Variants in CACNA1A observed in about 807,000 individuals in gnomAD.
CACNA1A encodes the protein calcium voltage-gated channel subunit alpha1 A.
Under a neutral mutation model 262.4 loss-of-function variants are expected in CACNA1A, and 57 were observed. The ratio of observed to expected loss-of-function variants is 0.22; its 90% CI spans 0.18 to 0.27. The LOEUF (loss-of-function observed/expected upper bound fraction) is 0.27, where lower values mean the gene tolerates loss of function less well. CACNA1A is among the 10% of genes least tolerant of loss of function. The pLI is 1.00. For missense variants in CACNA1A, 2,526 were observed against 3,562.8 expected (o/e 0.71, Z 7.41); for synonymous variants, 1,431 against 1,419.3 (o/e 1.01, Z -0.18).
chr19:13,412,156 C>T (rs1442993915), intron 3 of CACNA1A, among the ~76,000 whole-genome samples: 1 of 152,090 alleles, frequency 6.6e-6, no homozygotes, highest in Non-Finnish European at 1.5e-5. Context: ...TTGCTCAGAA[C>T]ATTGCAGACA....
intron 3 of CACNA1A, among the ~76,000 whole-genome samples, chr19:13,423,838 G>A (rs1048414859): frequency 3.3e-5 from 5 of 152,034 alleles, no homozygotes; most frequent in East Asian, 1.9e-4. Flanking sequence ...TAGAAAGTCC[G>A]CCTGAAGTTG....
chr19:13,377,897 G>A (rs1482114821), intron 3 of CACNA1A, among the ~76,000 whole-genome samples: 1 of 151,868 alleles, frequency 6.6e-6, no homozygotes, highest in Non-Finnish European at 1.5e-5. Flanking sequence ...GGAGATCAAG[G>A]CAGGAGGATC....
chr19:13,371,879 G>C (rs1370947913), intron 3 of CACNA1A, 100 bp from the exon 4 acceptor site: 3 of 830,034 alleles, frequency 3.6e-6, no homozygotes, highest in Non-Finnish European at 6.1e-6. Flanking sequence ...GTATTGGTTG[G>C]GTGACCACAG....
Position 13,248,736 on chromosome 19 carries a change from G to A in CACNA1A, c.4867-3471C>T, listed in dbSNP as rs974634166. 5.3e-5 allele frequency among the ~76,000 whole-genome samples: 8 copies of A among 152,004 alleles called. No homozygotes were observed. In the South Asian group the frequency reaches 1.0e-3, roughly 20 times the overall value. The stretch of plus-strand genomic sequence containing the variant: ...TGGGCGCCTGTAATCCCAACTAGTC[G>A]GGAGGCTGAGGCAGGACAATTGCTT... On this transcript the variant is annotated intron_variant, in intron 30 of 46. Coordinates refer to ENST00000360228, the MANE Select transcript of CACNA1A (RefSeq NM_001127222.2).
In CACNA1A at chr19:13,207,071, G is replaced by A. The variant is rs1052377085; in HGVS notation, c.*242C>T. The A allele has an allele frequency of 2.9e-5, 10 of 350,494 alleles. No homozygotes were observed. Among genetic ancestry groups the A allele is most frequent in the African/African-American group, 2.0e-4 (9 of 45,576 alleles). 21.7% of individuals were successfully genotyped at this position (350,494 alleles called of 1,614,324 possible). On this transcript the variant is annotated 3_prime_UTR_variant, in exon 47 of 47. Coordinates refer to ENST00000360228, the MANE Select transcript of CACNA1A (RefSeq NM_001127222.2). This position sits in a 1 kb window ranked among gnomAD's most constrained non-coding sequence, Gnocchi z 5.7. ...TGCCTCCCACCCGAGAGCCCCTGTC[G>A]TGGGTGGGGGGATCGGGGCTGGTTG...
At chr19:13,437,562 G>A (rs1174683858) in intron 3 of CACNA1A, among the ~76,000 whole-genome samples, 1 of 151,878 alleles carries the variant, frequency 6.6e-6, no homozygotes, top group Non-Finnish European at 1.5e-5. Context: ...ATGGTGGCGT[G>A]CTCCTGTAAT....
Position 13,292,686 on chromosome 19 carries a change from T to A in CACNA1A, c.3090-5720A>T, listed in dbSNP as rs544471648. Among the ~76,000 whole-genome samples, 4 of 152,230 alleles carry A rather than the reference T, an allele frequency of 2.6e-5. No homozygotes were observed. The East Asian group carries it at 7.7e-4, about 29-fold the overall frequency. On this transcript the variant is annotated intron_variant, in intron 19 of 46. Transcript: ENST00000360228. ...TACGTTTGCAAAAAGCCTCAAGGAA[T>A]GACTGAAGAAGAGGAAAAATGTACA... is the stretch of plus-strand genomic sequence containing the variant.
At chr19:13,415,355 C>G (rs1029526127) in intron 3 of CACNA1A, among the ~76,000 whole-genome samples, 1 of 152,030 alleles carries the variant, frequency 6.6e-6, no homozygotes. Context: ...CCTTTATGAC[C>G]TGGGGGACAG....
intron 3 of CACNA1A, among the ~76,000 whole-genome samples, chr19:13,436,835 A>G (rs576928040): frequency 9.8e-5 from 15 of 152,370 alleles, no homozygotes; most frequent in African/African-American, 3.6e-4. Flanking sequence ...AGGAAGAGAC[A>G]GTATCATATC....
In CACNA1A at chr19:13,371,747, A is replaced by G. The variant is rs1249246853; in HGVS notation, c.572T>C (p.Leu191Pro). 6.3e-7 allele frequency: 1 copy of G among 1,579,732 alleles called. No individual in the cohort carries two copies. Among genetic ancestry groups the G allele is most frequent in the African/African-American group, 1.3e-5 (1 of 74,308 alleles). Reference sequence around the variant, plus strand: ...CACTCGAACTGCCCTCAGCGTCCGTAGGTCAAACTCCGTCCCAACTGTCGC... The same window carrying G: ...CACTCGAACTGCCCTCAGCGTCCGTGGGTCAAACTCCGTCCCAACTGTCGC... ...ILATVGTEFD[L>P]RTLRAVRVLR... The change falls in exon 4 of 47, where the codon CTA becomes CCA. Residue 191 changes from leucine (L) to proline (P), a missense_variant. Leu to Pro is a moderately conservative substitution (Grantham distance 98). This residue lies in a region of CACNA1A where 77 missense variants were observed against 228.4 expected (regional missense o/e 0.34). Coordinates refer to ENST00000360228, the MANE Select transcript of CACNA1A (RefSeq NM_001127222.2).
chr19:13,214,171 C>T lies in CACNA1A; in HGVS notation c.5940+62G>A, dbSNP rs1007179632. The T allele has an allele frequency of 6.6e-6, 9 of 1,366,226 alleles. No individual in the cohort carries two copies. The Admixed American group carries it at 1.3e-4, about 20-fold the overall frequency. 84.6% of individuals were successfully genotyped at this position (1,366,226 alleles called of 1,614,324 possible). Reference sequence around the variant, plus strand: ...GCCACCCTCATATTCCAGTTGGTTCCCGTGGTGACATGCAAGCCACTGTCC... The same window carrying T: ...GCCACCCTCATATTCCAGTTGGTTCTCGTGGTGACATGCAAGCCACTGTCC... On this transcript the variant is annotated intron_variant, in intron 40 of 46. Transcript: ENST00000360228. This position sits in a 1 kb window ranked among gnomAD's most constrained non-coding sequence, Gnocchi z 4.1.
chr19:13,505,602 G>A (rs950332817), intron 1 of CACNA1A, among the ~76,000 whole-genome samples: 1 of 151,972 alleles, frequency 6.6e-6, no homozygotes, highest in Admixed American at 6.6e-5. Context: ...CAAACCCTCC[G>A]GACTTGGCTC....
Position 13,207,423 on chromosome 19 carries a change from G to C in CACNA1A, c.7411C>G (p.Arg2471Gly). The change falls in exon 47 of 47, where the codon CGA becomes GGA. Residue 2471 changes from arginine to glycine, a missense_variant. Coordinates refer to ENST00000360228, the MANE Select transcript of CACNA1A (RefSeq NM_001127222.2). The surrounding 1 kb of genome is among the most constrained non-coding windows in gnomAD (Gnocchi z 5.7). ...ACASPSRHGR[R>G]LPNGYYPAHG... ...GCCGGGTAGTAGCCGTTGGGGAGTCGCCGGCCGTGCCGAGAAGGCGAGGCG... is the reference window on the plus strand; with the variant it reads ...GCCGGGTAGTAGCCGTTGGGGAGTCCCCGGCCGTGCCGAGAAGGCGAGGCG... 1 of 1,523,936 alleles carries C rather than the reference G, an allele frequency of 6.6e-7. No individual in the cohort carries two copies. Among genetic ancestry groups the C allele is most frequent in the Non-Finnish European group, 8.8e-7 (1 of 1,140,180 alleles). The allele number at this position is 1,523,936 out of a possible 1,614,324, so 94.4% of individuals were successfully genotyped here.
rs36078876 is a variant in CACNA1A, at chr19:13,448,082, G to GAAAAA, written c.539+4789_539+4793dup. 3.3e-5 allele frequency among the ~76,000 whole-genome samples: 4 copies of GAAAAA among 122,218 alleles called. No homozygotes were observed. The South Asian group carries it at 7.9e-4, about 24-fold the overall frequency. The allele number at this position is 122,218 out of a possible 152,430, so 80.2% of individuals were successfully genotyped here. A position where few individuals can be genotyped will look rare whatever the true frequency, so the allele number is the denominator to read the frequency against. The stretch of plus-strand genomic sequence containing the variant: ...AGTGTTCCCATAACCGTGTTATTAT[G>GAAAAA]AAAAAAAAAAAAAAACAGGGCTGCA... On this transcript the variant is annotated intron_variant, in intron 3 of 46. Transcript: ENST00000360228.
chr19:13,413,360 C>G (rs1237357610), intron 3 of CACNA1A, among the ~76,000 whole-genome samples: 1 of 151,242 alleles, frequency 6.6e-6, no homozygotes, highest in African/African-American at 2.4e-5. Context: ...CCCGCCTTGG[C>G]CTCCCAAAGT....
At chr19:13,396,342 G>A (rs1444048398) in intron 3 of CACNA1A, among the ~76,000 whole-genome samples, 1 of 152,182 alleles carries the variant, frequency 6.6e-6, no homozygotes, top group Non-Finnish European at 1.5e-5. Flanking sequence ...TTTGCCTAGA[G>A]AGTCTCCTCC....
At chr19:13,247,497 T>C (rs2056270761) in intron 30 of CACNA1A, among the ~76,000 whole-genome samples, 1 of 151,942 alleles carries the variant, frequency 6.6e-6, no homozygotes, top group South Asian at 2.1e-4. Flanking sequence ...ATCAAGACCA[T>C]CCTGGATAAC....
At chr19:13,409,412 A>T (rs1006514130) in intron 3 of CACNA1A, among the ~76,000 whole-genome samples, 1 of 151,852 alleles carries the variant, frequency 6.6e-6, no homozygotes, top group African/African-American at 2.4e-5. Context: ...TGTCTGTGTG[A>T]TGTCTTTTAT....
chr19:13,250,252 G>A (rs2056360650), intron 30 of CACNA1A, among the ~76,000 whole-genome samples: 1 of 151,634 alleles, frequency 6.6e-6, no homozygotes, highest in Non-Finnish European at 1.5e-5. Context: ...TAGAGACGGG[G>A]TTTCACCATG....
Sources: allele counts gnomAD v4.1 joint callset (sites outside exome capture counted in the v4.1 genomes callset), GRCh38; gene constraint gnomAD v4.1.1; regional missense constraint gnomAD v4.1.1; non-coding constraint Gnocchi (gnomAD v3.1); transcripts MANE v1.5; gene names NCBI Gene and HGNC (gene_info 2026-07-23, HGNC 2026-07-21).